Variants in KMT2C observed in about 807,000 individuals in gnomAD.
KMT2C encodes lysine methyltransferase 2C.
Under a neutral mutation model 507.9 loss-of-function variants are expected in KMT2C, and 88 were observed. The observed-to-expected ratio is 0.17, with a 90% CI of 0.15 to 0.21. The LOEUF (loss-of-function observed/expected upper bound fraction) is 0.21, where lower values mean the gene tolerates loss of function less well. KMT2C is among the 10% of genes least tolerant of loss of function. The pLI, the probability that KMT2C is intolerant of heterozygous loss-of-function variation, is 1.00. For synonymous variants in KMT2C, 2,049 were observed against 2,080.8 expected (o/e 0.98, Z 0.42); for missense variants, 4,954 against 5,957.8 (o/e 0.83, Z 5.55).
chr7:152,347,527 G>A (rs529983854), intron 2 of KMT2C, among the ~76,000 whole-genome samples: 34 of 152,268 alleles, frequency 2.2e-4, no homozygotes, highest in Admixed American at 6.5e-4. Flanking sequence ...CAACACTTGA[G>A]TTCACTGCAA....
intron 14 of KMT2C, among the ~76,000 whole-genome samples, chr7:152,241,081 A>G (rs113652311): frequency 6.6e-6 from 1 of 152,230 alleles, no homozygotes; most frequent in African/African-American, 2.4e-5. Context: ...GCTACGCTCC[A>G]GCTATTCTGG....
chr7:152,415,811 C>T (rs531802849), intron 1 of KMT2C, among the ~76,000 whole-genome samples: 5 of 152,214 alleles, frequency 3.3e-5, no homozygotes, highest in East Asian at 1.9e-4. Context: ...ACCTGGGACG[C>T]GAAGGTTGCA....
intron 24 of KMT2C, 139 bp from the exon 25 acceptor site, chr7:152,205,364 AT>A: frequency 3.4e-6 from 1 of 292,708 alleles, no homozygotes. Context: ...CAATAACCTG[AT>A]TTTTAGGTAA....
At chr7:152,202,646 G>T (rs903830727) in intron 26 of KMT2C, among the ~76,000 whole-genome samples, 2 of 152,110 alleles carry the variant, frequency 1.3e-5, no homozygotes, top group Admixed American at 1.3e-4. Context: ...CAATGACTTG[G>T]AAGATTGAGT....
chr7:152,206,182 G>A (rs1354541994), intron 24 of KMT2C, among the ~76,000 whole-genome samples: 4 of 152,092 alleles, frequency 2.6e-5, no homozygotes, highest in African/African-American at 9.7e-5. Context: ...CTGGTACACA[G>A]TCAACACTAT....
At chr7:152,337,830 C>G (rs982892491) in intron 2 of KMT2C, among the ~76,000 whole-genome samples, 3 of 151,626 alleles carry the variant, frequency 2.0e-5, no homozygotes, top group Admixed American at 1.3e-4. Context: ...TATGGATTCA[C>G]TTGTCCACCT....
intron 2 of KMT2C, among the ~76,000 whole-genome samples, chr7:152,355,121 G>A (rs2097141938): frequency 6.6e-6 from 1 of 152,182 alleles, no homozygotes; most frequent in South Asian, 2.1e-4. Context: ...TGGGCTGGAT[G>A]TCTAAAATGT....
intron 18 of KMT2C, among the ~76,000 whole-genome samples, chr7:152,227,431 C>G (rs2094965961): frequency 6.6e-6 from 1 of 152,190 alleles, no homozygotes; most frequent in Non-Finnish European, 1.5e-5. Context: ...GTGGGACCAG[C>G]CTGTTCTCCC....
chr7:152,239,939 C>T (rs1341092527), intron 14 of KMT2C, among the ~76,000 whole-genome samples: 1 of 152,196 alleles, frequency 6.6e-6, no homozygotes, highest in African/African-American at 2.4e-5. Flanking sequence ...TGTGACTACT[C>T]TTGGGGTAAG....
At chr7:152,143,757 A>G (rs2090834653) in intron 55 of KMT2C, among the ~76,000 whole-genome samples, 1 of 152,248 alleles carries the variant, frequency 6.6e-6, no homozygotes, top group East Asian at 1.9e-4. Flanking sequence ...CCAAATATCA[A>G]TAAAGAGAAG....
intron 26 of KMT2C, among the ~76,000 whole-genome samples, chr7:152,201,000 T>G (rs2094119431): frequency 6.6e-6 from 1 of 152,130 alleles, no homozygotes; most frequent in Non-Finnish European, 1.5e-5. Context: ...TAAGCAATGC[T>G]TTTATCATTA....
intron 37 of KMT2C, among the ~76,000 whole-genome samples, chr7:152,179,349 G>C (rs531509006): frequency 6.7e-4 from 102 of 152,332 alleles, no homozygotes; most frequent in Non-Finnish European, 1.3e-3. Flanking sequence ...GAGAGGACAA[G>C]TCTCATCACA....
chr7:152,364,557 C>T (rs1456827080), intron 1 of KMT2C, among the ~76,000 whole-genome samples: 2 of 147,672 alleles, frequency 1.4e-5, no homozygotes, highest in Non-Finnish European at 3.0e-5. Context: ...TGCAGTGAGC[C>T]GAGATTACAC....
chr7:152,307,195 G>GAGGAAGGAAGGAAGGAAGGAAGGAAGGA (rs565184971), intron 6 of KMT2C, among the ~76,000 whole-genome samples: 6 of 64,956 alleles, frequency 9.2e-5, no homozygotes, highest in African/African-American at 2.3e-4. Context: ...AAAGAAGAGG[G>GAGGAAGGAAGGAAGGAAGGAAGGAAGGA]AGGAAGGAAG....
At chr7:152,432,595 G>C (rs2116800242) in intron 1 of KMT2C, among the ~76,000 whole-genome samples, 1 of 152,282 alleles carries the variant, frequency 6.6e-6, no homozygotes, top group East Asian at 1.9e-4. Context: ...CCAACTCTAA[G>C]ATTAATAGCT....
intron 41 of KMT2C, 84 bp downstream of exon 41, chr7:152,169,102 C>T: frequency 1.2e-6 from 1 of 868,142 alleles, no homozygotes. Context: ...GGTGTACCTA[C>T]ACTCACTTCA....
At chr7:152,368,929 T>C (rs2097269797) in intron 1 of KMT2C, among the ~76,000 whole-genome samples, 1 of 152,178 alleles carries the variant, frequency 6.6e-6, no homozygotes, top group Non-Finnish European at 1.5e-5. Flanking sequence ...ATCTTCAGTT[T>C]AATACAGGAG....
At chr7:152,430,249 AC>A (rs982881718) in intron 1 of KMT2C, among the ~76,000 whole-genome samples, 2 of 152,172 alleles carry the variant, frequency 1.3e-5, no homozygotes. Flanking sequence ...TATCCTGCCA[AC>A]AAGTTCTCAA....
intron 23 of KMT2C, among the ~76,000 whole-genome samples, chr7:152,208,546 T>C (rs1270777734): frequency 6.6e-6 from 1 of 152,226 alleles, no homozygotes; most frequent in Non-Finnish European, 1.5e-5. Context: ...ACCTAATACA[T>C]GTTCAATAAA....
Sources: allele counts gnomAD v4.1 joint callset (sites outside exome capture counted in the v4.1 genomes callset), GRCh38; gene constraint gnomAD v4.1.1; transcripts MANE v1.5; gene names NCBI Gene and HGNC (gene_info 2026-07-23, HGNC 2026-07-21).